Variants in KLF8 observed in about 807,000 individuals in gnomAD.
KLF8 encodes KLF transcription factor 8.
KLF8 carries 10 observed loss-of-function variants against 18.2 expected under a neutral mutation model. The ratio of observed to expected loss-of-function variants is 0.55; its 90% CI spans 0.34 to 0.93. The LOEUF (loss-of-function observed/expected upper bound fraction) is 0.93, where lower values mean the gene tolerates loss of function less well. Among genes scored for constraint, KLF8 ranks in the 40% least tolerant of loss-of-function variants. The pLI is 0.02. For synonymous variants in KLF8, 109 were observed against 97.3 expected, an observed-to-expected ratio of 1.12 and a Z score of -0.71; for missense variants, 264 against 277.9, an observed-to-expected ratio of 0.95 and a Z score of 0.36.
the KLF8 span, among the ~76,000 whole-genome samples, chrX:55,994,127 G>C: frequency 4.1e-3 from 448 of 110,073 alleles, 1 homozygote; most frequent in South Asian, 0.024. Context: ...AGCCAGGGTG[G>C]TCTCAATCTC....
At chrX:56,024,833 G>A in the KLF8 span, among the ~76,000 whole-genome samples, 4 of 112,171 alleles carry the variant, frequency 3.6e-5, no homozygotes, top group South Asian at 3.8e-4. Context: ...GCCTGGCACC[G>A]GGCTGCCTGC....
the KLF8 span, among the ~76,000 whole-genome samples, chrX:56,028,812 G>A: frequency 9.0e-6 from 1 of 110,732 alleles, no homozygotes; most frequent in African/African-American, 3.3e-5. Context: ...TCAAGTCCAG[G>A]CAAGTGAACC....
chrX:56,150,226 A>AT, the KLF8 span, among the ~76,000 whole-genome samples: 1 of 111,682 alleles, frequency 9.0e-6, no homozygotes, highest in South Asian at 3.8e-4. Context: ...AAGGAGATAG[A>AT]GCCTTTAGTG....
At chrX:55,978,085 A>T in the KLF8 span, among the ~76,000 whole-genome samples, 1 of 110,569 alleles carries the variant, frequency 9.0e-6, no homozygotes, top group East Asian at 2.8e-4. Flanking sequence ...ATAGATATAC[A>T]TGTAGAAAGA....
chrX:55,952,607 G>C, the KLF8 span, among the ~76,000 whole-genome samples: 435 of 111,672 alleles, frequency 3.9e-3, 2 homozygotes, highest in African/African-American at 0.013. Flanking sequence ...GACCCACTTG[G>C]GTAATCTAGG....
chrX:56,187,957 C>T, the KLF8 span, among the ~76,000 whole-genome samples: 1 of 111,777 alleles, frequency 8.9e-6, no homozygotes, highest in Admixed American at 9.5e-5. Flanking sequence ...CCTTTGAAAA[C>T]GGGCACAAGA....
chrX:55,976,519 C>T, the KLF8 span, among the ~76,000 whole-genome samples: 7 of 110,293 alleles, frequency 6.3e-5, no homozygotes, highest in East Asian at 1.1e-3. Flanking sequence ...CTTTTATCTA[C>T]GTTGTCACAA....
At chrX:55,978,326 G>A in the KLF8 span, among the ~76,000 whole-genome samples, 2 of 111,675 alleles carry the variant, frequency 1.8e-5, no homozygotes, top group Non-Finnish European at 3.8e-5. Context: ...ACAGACATAT[G>A]TACAAGTTGA....
chrX:56,053,109 C>A, the KLF8 span, among the ~76,000 whole-genome samples: 2 of 112,187 alleles, frequency 1.8e-5, no homozygotes, highest in Non-Finnish European at 3.8e-5. Flanking sequence ...TGAGGCAATG[C>A]CTCGCCCTGC....
At chrX:56,043,469 T>C in the KLF8 span, among the ~76,000 whole-genome samples, 5 of 111,740 alleles carry the variant, frequency 4.5e-5, no homozygotes, top group Admixed American at 1.9e-4. Context: ...ATAGTTTCAG[T>C]GTCTTTATAA....
chrX:56,096,427 C>T, the KLF8 span, among the ~76,000 whole-genome samples: 2 of 110,822 alleles, frequency 1.8e-5, no homozygotes, highest in East Asian at 5.6e-4. Context: ...GCATTTGTAC[C>T]CCTTAAATCC....
chrX:55,990,360 A>G, the KLF8 span, among the ~76,000 whole-genome samples: 496 of 112,096 alleles, frequency 4.4e-3, 2 homozygotes, highest in African/African-American at 0.015. Flanking sequence ...TTCCCTCTAC[A>G]CACTGCTTTG....
the KLF8 span, among the ~76,000 whole-genome samples, chrX:55,998,352 C>G: frequency 2.7e-5 from 3 of 111,805 alleles, 1 homozygote; most frequent in South Asian, 1.2e-3. Flanking sequence ...TCAGGTCTTT[C>G]CCTTCCCACG....
chrX:56,196,719 C>G, the KLF8 span, among the ~76,000 whole-genome samples: 1 of 111,592 alleles, frequency 9.0e-6, no homozygotes, highest in Non-Finnish European at 1.9e-5. Flanking sequence ...ATATCGAAGA[C>G]TTGAACTCAG....
chrX:56,234,320 AT>A (rs2066445206), intron 1 of KLF8, among the ~76,000 whole-genome samples: 1 of 111,693 alleles, frequency 9.0e-6, no homozygotes. Context: ...TATTAGCTGC[AT>A]CACCCTGGGC....
At chrX:56,053,948 A>G in the KLF8 span, among the ~76,000 whole-genome samples, 5 of 110,473 alleles carry the variant, frequency 4.5e-5, no homozygotes, top group South Asian at 1.9e-3. Context: ...TTATGTCAAA[A>G]AACCAACTCC....
At chrX:56,084,438 A>G in the KLF8 span, among the ~76,000 whole-genome samples, 7 of 111,407 alleles carry the variant, frequency 6.3e-5, no homozygotes, top group African/African-American at 2.0e-4. Context: ...TCTGCAAGGA[A>G]AAAAAAACAT....
At chrX:56,187,019 T>G in the KLF8 span, among the ~76,000 whole-genome samples, 3 of 111,016 alleles carry the variant, frequency 2.7e-5, no homozygotes, top group Non-Finnish European at 5.7e-5. Context: ...AAGAAATAAC[T>G]AAAATCACAG....
At chrX:56,136,375 A>G in the KLF8 span, among the ~76,000 whole-genome samples, 1 of 111,674 alleles carries the variant, frequency 9.0e-6, no homozygotes, top group Non-Finnish European at 1.9e-5. Flanking sequence ...TACAGTAACC[A>G]AAACAGCATG....
Sources: gnomAD v4.1 joint callset for allele counts (sites outside exome capture counted in the v4.1 genomes callset) on GRCh38, gnomAD v4.1.1 for gene constraint, MANE v1.5 for transcripts, NCBI Gene and HGNC (gene_info 2026-07-23, HGNC 2026-07-21) for gene names.